The following MAMDC2 variants were observed in gnomAD, a reference collection of about 807,000 sequenced individuals.
The protein encoded by MAMDC2 is MAM domain containing 2.
In MAMDC2, 57 loss-of-function variants were observed where a neutral mutation model predicts 89.8. The observed-to-expected ratio is 0.63, with a 90% confidence interval of 0.51 to 0.79. The LOEUF is 0.79. Among genes scored for constraint, MAMDC2 ranks in the 30% least tolerant of loss-of-function variants. The pLI, the probability that MAMDC2 is intolerant of heterozygous loss-of-function variation, is 0.00. For missense variants in MAMDC2, 800 were observed against 820.6 expected, an observed-to-expected ratio of 0.97 and a Z score of 0.31; for synonymous variants, 313 against 293.4, an observed-to-expected ratio of 1.07 and a Z score of -0.68.
chr9:70,212,295 C>A (rs372676502), intron 11 of MAMDC2, among the ~76,000 whole-genome samples: 1 of 152,234 alleles, frequency 6.6e-6, no homozygotes, highest in Non-Finnish European at 1.5e-5. Flanking sequence ...CCTTCCTGGC[C>A]GCTTTGTGTA....
At chr9:70,096,689 C>T (rs1461539702) in intron 2 of MAMDC2, among the ~76,000 whole-genome samples, 1 of 152,066 alleles carries the variant, frequency 6.6e-6, no homozygotes, top group Middle Eastern at 3.2e-3. Flanking sequence ...TTAGTTACTG[C>T]TATGGTAAGG....
At chr9:70,072,994 C>T (rs981670547) in intron 2 of MAMDC2, among the ~76,000 whole-genome samples, 1 of 152,140 alleles carries the variant, frequency 6.6e-6, no homozygotes, top group East Asian at 1.9e-4. Context: ...TGCCACCACA[C>T]CAGCTAATTT....
intron 2 of MAMDC2, among the ~76,000 whole-genome samples, chr9:70,099,650 C>A (rs1027665316): frequency 6.6e-6 from 1 of 152,070 alleles, no homozygotes; most frequent in African/African-American, 2.4e-5. Context: ...CTTGGAAGAT[C>A]TTCTACATAG....
Position 70,126,332 on chromosome 9 carries a change from G to A in MAMDC2, c.817G>A (p.Glu273Lys), listed in dbSNP as rs768218986. 7.4e-6 allele frequency: 12 copies of A among 1,613,984 alleles called. No individual in the cohort carries two copies. The highest frequency in any genetic ancestry group is 8.5e-6 in the Non-Finnish European group (10 of 1,180,022). The change falls in exon 6 of 14, where the codon GAG (glutamate) becomes AAG (lysine). Residue 273 changes from glutamate (E) to lysine (K), a missense_variant. Coordinates refer to ENST00000377182, the MANE Select transcript of MAMDC2 (RefSeq NM_153267.5). ...CACTCGGGATGTGGCTGGCCTTTAC[G>A]AGGAAATCTGGAAAGCAGACAGGCC... ...LYTRDVAGLY[E>K]EIWKADRPGN...
chr9:70,063,583 T>C (rs367728331), intron 2 of MAMDC2, among the ~76,000 whole-genome samples: 117 of 152,348 alleles, frequency 7.7e-4, no homozygotes, highest in African/African-American at 2.6e-3. Flanking sequence ...AGTATTTAGA[T>C]AGACATCTTT....
At chr9:70,073,450 A>C (rs1827455360) in intron 2 of MAMDC2, among the ~76,000 whole-genome samples, 1 of 152,172 alleles carries the variant, frequency 6.6e-6, no homozygotes, top group African/African-American at 2.4e-5. Context: ...CTCTCACTTT[A>C]TCTTGTCCAG....
intron 2 of MAMDC2, among the ~76,000 whole-genome samples, chr9:70,056,767 G>A (rs4744971): frequency 0.17 from 26,141 of 152,042 alleles, 2,343 homozygotes; most frequent in African/African-American, 0.2. Context: ...GGCTTCATCT[G>A]TATTTACAGC....
At chr9:70,161,093 GTTC>G (rs2031953763) in intron 9 of MAMDC2, among the ~76,000 whole-genome samples, 1 of 152,144 alleles carries the variant, frequency 6.6e-6, no homozygotes, top group African/African-American at 2.4e-5. Flanking sequence ...CTCTGGACCT[GTTC>G]TTCATTCTAA....
At chr9:70,164,557 T>C (rs2148867) in intron 9 of MAMDC2, among the ~76,000 whole-genome samples, 130,334 of 152,128 alleles carry the variant, frequency 0.86, 56,069 homozygotes, top group East Asian at 0.96. Flanking sequence ...TTAATTTGTC[T>C]CTAACTTTTA....
intron 9 of MAMDC2, among the ~76,000 whole-genome samples, chr9:70,167,713 A>T (rs554495957): frequency 6.6e-6 from 1 of 152,262 alleles, no homozygotes; most frequent in Non-Finnish European, 1.5e-5. Flanking sequence ...TGCCTGATGG[A>T]AAGAAATCCA....
chr9:70,074,368 A>G lies in MAMDC2; in HGVS notation c.148+29671A>G, dbSNP rs564567539. Among the ~76,000 whole-genome samples the G allele has an allele frequency of 2.6e-5, 4 of 152,342 alleles. No individual in the cohort carries two copies. In the East Asian group the frequency reaches 7.7e-4, roughly 29 times the overall value. On this transcript the variant is annotated intron_variant, in intron 2 of 13. Transcript: ENST00000377182. ...CAGTTAAACCATTTTGAAATTCTTA[A>G]GAGATGTATGTTTGAGTCTGTTCTG...
At chr9:70,135,427 A>T (rs1171592383) in intron 7 of MAMDC2, among the ~76,000 whole-genome samples, 4 of 152,318 alleles carry the variant, frequency 2.6e-5, no homozygotes, top group African/African-American at 9.6e-5. Context: ...GGGTAGAAGC[A>T]GCACTCTAGG....
intron 12 of MAMDC2, among the ~76,000 whole-genome samples, chr9:70,221,380 T>TATATATATATATAG: frequency 8.5e-4 from 6 of 7,042 alleles, no homozygotes; most frequent in East Asian, 9.8e-3. Context: ...TATATATATA[T>TATATATATATATAG]AGAGAGAGAG....
intron 11 of MAMDC2, among the ~76,000 whole-genome samples, chr9:70,211,837 C>T (rs2033360218): frequency 6.6e-6 from 1 of 151,018 alleles, no homozygotes; most frequent in Non-Finnish European, 1.5e-5. Flanking sequence ...CATTAGTTTT[C>T]TTTCTAACAG....
At chr9:70,212,214 C>G (rs564164136) in intron 11 of MAMDC2, among the ~76,000 whole-genome samples, 1 of 152,252 alleles carries the variant, frequency 6.6e-6, no homozygotes, top group African/African-American at 2.4e-5. Context: ...CAGCTATGCC[C>G]TGCCCCCACA....
At chr9:70,075,003 A>G (rs952637664) in intron 2 of MAMDC2, among the ~76,000 whole-genome samples, 1 of 152,200 alleles carries the variant, frequency 6.6e-6, no homozygotes, top group Non-Finnish European at 1.5e-5. Flanking sequence ...TTACCATGGA[A>G]GATGGGGAAA....
chr9:70,196,068 C>T (rs2871295), intron 11 of MAMDC2, among the ~76,000 whole-genome samples: 10,502 of 152,138 alleles, frequency 0.069, 575 homozygotes, highest in East Asian at 0.22. Flanking sequence ...GATTTCTTAA[C>T]GTGGCGGCAA....
chr9:70,086,664 T>C (rs546019513), intron 2 of MAMDC2: 1 of 152,284 alleles, frequency 6.6e-6, no homozygotes, highest in Non-Finnish European at 1.5e-5. Flanking sequence ...ATTTTTTATG[T>C]CTGCAGAAAG....
chr9:70,183,715 C>CT (rs1239251209), intron 11 of MAMDC2, among the ~76,000 whole-genome samples: 3 of 152,068 alleles, frequency 2.0e-5, no homozygotes, highest in East Asian at 1.9e-4. Context: ...ATTCCTCCAT[C>CT]TTTTTATTTT....
Sources: allele counts gnomAD v4.1 joint callset (sites outside exome capture counted in the v4.1 genomes callset), GRCh38; gene constraint gnomAD v4.1.1; transcripts MANE v1.5; gene names NCBI Gene and HGNC (gene_info 2026-07-23, HGNC 2026-07-21).